The following DLG2 variants were observed in gnomAD, a reference collection of about 807,000 sequenced individuals.
DLG2 encodes discs large MAGUK scaffold protein 2.
A neutral mutation model predicts 132.5 loss-of-function variants in DLG2; 45 were observed. That is an observed-to-expected ratio of 0.34 (90% CI 0.27 to 0.44). The LOEUF (loss-of-function observed/expected upper bound fraction) is 0.44, where lower values mean the gene tolerates loss of function less well. Ranked by LOEUF, DLG2 falls within the 20% of genes least tolerant of loss-of-function variation. DLG2 has a pLI of 1.00. For synonymous variants in DLG2, 424 were observed against 419.6 expected (o/e 1.01, Z -0.13); for missense variants, 1,045 against 1,196.9 (o/e 0.87, Z 1.87).
At chr11:84,533,596 A>C (rs1346268993) in intron 7 of DLG2, among the ~76,000 whole-genome samples, 1 of 152,190 alleles carries the variant, frequency 6.6e-6, no homozygotes, top group Non-Finnish European at 1.5e-5. Context: ...ACGTAAGGTT[A>C]AGCATAAGTT....
At chr11:84,989,395 C>CA (rs2056851381) in intron 6 of DLG2, among the ~76,000 whole-genome samples, 1 of 152,098 alleles carries the variant, frequency 6.6e-6, no homozygotes, top group Non-Finnish European at 1.5e-5. Context: ...GGGGTGGTCT[C>CA]AAACTCTTGA....
At chr11:84,593,634 T>A (rs1565399130) in intron 6 of DLG2, among the ~76,000 whole-genome samples, 1 of 151,900 alleles carries the variant, frequency 6.6e-6, no homozygotes, top group Non-Finnish European at 1.5e-5. Flanking sequence ...ACATCACACA[T>A]CAGGGCCTGT....
At chr11:85,392,957 A>G (rs1229710104) in intron 3 of DLG2, among the ~76,000 whole-genome samples, 1 of 152,216 alleles carries the variant, frequency 6.6e-6, no homozygotes, top group Non-Finnish European at 1.5e-5. Context: ...TGATACAACA[A>G]AAACAAAGAT....
intron 18 of DLG2, among the ~76,000 whole-genome samples, chr11:83,652,732 G>A (rs1294298816): frequency 1.3e-5 from 2 of 152,126 alleles, no homozygotes; most frequent in East Asian, 1.9e-4. Flanking sequence ...CACAATTAAT[G>A]ACACCTGAGG....
At position 83,787,315 on chromosome 11, in the gene DLG2, TTTTTTTTG is replaced by T. The variant is rs1214093718; in HGVS notation, c.1723-531_1723-524del. 5.0e-4 allele frequency among the ~76,000 whole-genome samples: 44 copies of T among 88,524 alleles called. 3 individuals are homozygous for T. Among genetic ancestry groups the T allele is most frequent in the Middle Eastern group, 0.013 (2 of 160 alleles). The allele number at this position is 88,524 out of a possible 152,430, so 58.1% of individuals were successfully genotyped here. On this transcript the variant is annotated intron_variant, in intron 17 of 27. Transcript: ENST00000376104. Reference sequence around the variant, plus strand: ...TGGTTAGACAGCCTTAAGCCTTGTTTTTTTTTTGTTTTTTTTTTTTTTTTTAGACAGAG... The same window carrying T: ...TGGTTAGACAGCCTTAAGCCTTGTTTTTTTTTTTTTTTTTTTTAGACAGAG...
intron 15 of DLG2, among the ~76,000 whole-genome samples, chr11:83,916,763 C>T (rs1003907290): frequency 1.3e-5 from 2 of 152,186 alleles, no homozygotes; most frequent in African/African-American, 2.4e-5. Flanking sequence ...TTATTTCCTT[C>T]CTTCCGGTCT....
chr11:84,262,950 G>C (rs1486494009), intron 7 of DLG2, among the ~76,000 whole-genome samples: 1 of 152,102 alleles, frequency 6.6e-6, no homozygotes, highest in Non-Finnish European at 1.5e-5. Flanking sequence ...CAACCCAGGT[G>C]GTTCCTGCAT....
chr11:84,392,255 C>T (rs1046074098), intron 7 of DLG2, among the ~76,000 whole-genome samples: 4 of 152,124 alleles, frequency 2.6e-5, no homozygotes, highest in Admixed American at 6.5e-5. Flanking sequence ...TGCAGAGCCT[C>T]GCACACTACT....
At chr11:85,226,172 T>C (rs1294466620) in intron 4 of DLG2, among the ~76,000 whole-genome samples, 1 of 148,876 alleles carries the variant, frequency 6.7e-6, no homozygotes, top group Non-Finnish European at 1.5e-5. Context: ...AAAAATAATA[T>C]AATTGCATAT....
chr11:83,640,248 A>T (rs989239975), intron 18 of DLG2, among the ~76,000 whole-genome samples: 2 of 152,154 alleles, frequency 1.3e-5, no homozygotes, highest in African/African-American at 4.8e-5. Context: ...CTTTAAATAG[A>T]CACATCTGAA....
intron 19 of DLG2, among the ~76,000 whole-genome samples, chr11:83,595,139 A>C (rs7107499): frequency 0.27 from 40,653 of 150,674 alleles, 5,586 homozygotes; most frequent in Middle Eastern, 0.3. Context: ...GGAAAAAAAA[A>C]CCACTTCTTT....
intron 20 of DLG2, among the ~76,000 whole-genome samples, chr11:83,533,588 A>G (rs1331504235): frequency 6.6e-6 from 1 of 152,172 alleles, no homozygotes; most frequent in East Asian, 1.9e-4. Context: ...TGTATCTGAG[A>G]TTGAAGGATT....
chr11:85,504,871 A>G (rs1249296596), intron 3 of DLG2, among the ~76,000 whole-genome samples: 3 of 152,150 alleles, frequency 2.0e-5, no homozygotes, highest in African/African-American at 7.2e-5. Context: ...CATTTGTTTC[A>G]TCCTCTTTTA....
At chr11:84,351,009 C>A (rs10792755) in intron 7 of DLG2, among the ~76,000 whole-genome samples, 57,004 of 151,916 alleles carry the variant, frequency 0.38, 15,501 homozygotes, top group African/African-American at 0.77. Flanking sequence ...ACCTGTATTA[C>A]AGGATTTTAT....
chr11:84,859,070 C>T (rs1365655054), intron 6 of DLG2, among the ~76,000 whole-genome samples: 3 of 151,828 alleles, frequency 2.0e-5, no homozygotes, highest in Non-Finnish European at 2.9e-5. Flanking sequence ...GTTAATACAA[C>T]CTACTTCATA....
At chr11:85,127,933 G>C (rs1214049524) in intron 5 of DLG2, among the ~76,000 whole-genome samples, 1 of 152,084 alleles carries the variant, frequency 6.6e-6, no homozygotes, top group African/African-American at 2.4e-5. Flanking sequence ...TTTAATGCCT[G>C]GCAATAACTT....
At chr11:85,161,916 GGTGGAAGTGGAA>G (rs2078059074) in intron 4 of DLG2, among the ~76,000 whole-genome samples, 1 of 152,138 alleles carries the variant, frequency 6.6e-6, no homozygotes, top group South Asian at 2.1e-4. Context: ...GGAATCAAGG[GGTGGAAGTGGAA>G]GTGGCACCAT....
intron 18 of DLG2, among the ~76,000 whole-genome samples, chr11:83,668,826 T>C (rs1288492515): frequency 7.4e-6 from 1 of 135,800 alleles, no homozygotes; most frequent in Non-Finnish European, 1.6e-5. Flanking sequence ...TAAACATATA[T>C]ATGTGTATAT....
At chr11:83,481,622 G>A (rs1024577087) in intron 22 of DLG2, among the ~76,000 whole-genome samples, 1 of 152,076 alleles carries the variant, frequency 6.6e-6, no homozygotes, top group Non-Finnish European at 1.5e-5. Flanking sequence ...CTTTGTGTTG[G>A]TCTGTGATCA....
Sources: gnomAD v4.1 joint callset for allele counts (sites outside exome capture counted in the v4.1 genomes callset) on GRCh38, gnomAD v4.1.1 for gene constraint, MANE v1.5 for transcripts, NCBI Gene and HGNC (gene_info 2026-07-23, HGNC 2026-07-21) for gene names.